The following PTPRT variants were observed in gnomAD, a reference collection of about 807,000 sequenced individuals.
PTPRT encodes receptor-type tyrosine-protein phosphatase T.
Under a neutral mutation model 176.8 loss-of-function variants are expected in PTPRT, and 56 were observed. That is an observed-to-expected ratio of 0.32 (90% CI 0.26 to 0.40). The LOEUF (loss-of-function observed/expected upper bound fraction) is 0.40, where lower values mean the gene tolerates loss of function less well. PTPRT is among the 10% of genes least tolerant of loss of function. The pLI, the probability that PTPRT is intolerant of heterozygous loss-of-function variation, is 1.00. For missense variants in PTPRT, 1,540 were observed against 1,908.2 expected, an observed-to-expected ratio of 0.81 and a Z score of 3.60; for synonymous variants, 783 against 739.0, an observed-to-expected ratio of 1.06 and a Z score of -0.96.
chr20:42,777,066 T>G (rs2077147841), intron 4 of PTPRT, among the ~76,000 whole-genome samples: 1 of 152,020 alleles, frequency 6.6e-6, no homozygotes, highest in Admixed American at 6.6e-5. Flanking sequence ...GTCACCCTGG[T>G]GCGGGCCACC....
chr20:42,562,918 A>T (rs907290694), intron 7 of PTPRT, among the ~76,000 whole-genome samples: 1 of 152,224 alleles, frequency 6.6e-6, no homozygotes, highest in Non-Finnish European at 1.5e-5. Context: ...AATATATTCT[A>T]GAAAGATTAA....
intron 9 of PTPRT, among the ~76,000 whole-genome samples, chr20:42,396,256 AC>A: frequency 6.6e-6 from 1 of 152,112 alleles, no homozygotes; most frequent in South Asian, 2.1e-4. Context: ...CACATCCCAA[AC>A]CTACTTTGCT....
intron 2 of PTPRT, among the ~76,000 whole-genome samples, chr20:42,843,127 C>T (rs1194603537): frequency 6.6e-6 from 1 of 152,188 alleles, no homozygotes; most frequent in East Asian, 1.9e-4. Flanking sequence ...TTCCAAGGAA[C>T]TTCTGGCTTA....
chr20:43,092,005 T>A (rs1398447968), intron 1 of PTPRT, among the ~76,000 whole-genome samples: 1 of 152,204 alleles, frequency 6.6e-6, no homozygotes, highest in Non-Finnish European at 1.5e-5. Flanking sequence ...CTCATCACAG[T>A]TCTGGGATGG....
At chr20:43,059,639 T>C (rs1276523048) in intron 1 of PTPRT, among the ~76,000 whole-genome samples, 2 of 152,198 alleles carry the variant, frequency 1.3e-5, no homozygotes, top group African/African-American at 4.8e-5. Context: ...AGGCTTTCTC[T>C]TGAGCTTTCT....
chr20:42,737,249 A>G (rs1292944567), intron 6 of PTPRT, among the ~76,000 whole-genome samples: 1 of 152,196 alleles, frequency 6.6e-6, no homozygotes, highest in Non-Finnish European at 1.5e-5. Flanking sequence ...CAGAGAGAAG[A>G]AGGCCATGTG....
At chr20:42,879,064 C>T (rs138526517) in intron 2 of PTPRT, among the ~76,000 whole-genome samples, 50 of 152,180 alleles carry the variant, frequency 3.3e-4, no homozygotes, top group African/African-American at 1.1e-3. Flanking sequence ...CAGAAGAAAG[C>T]AAAGCTTCCA....
chr20:42,245,628 G>A (rs2056435453), intron 14 of PTPRT, among the ~76,000 whole-genome samples: 2 of 152,182 alleles, frequency 1.3e-5, no homozygotes, highest in South Asian at 4.2e-4. Context: ...CTTCATCCAT[G>A]GATCTCAAGC....
intron 1 of PTPRT, among the ~76,000 whole-genome samples, chr20:43,092,190 G>A (rs1461455613): frequency 2.0e-5 from 3 of 152,208 alleles, no homozygotes; most frequent in Non-Finnish European, 4.4e-5. Context: ...CAATCCAGGA[G>A]TGTAGCACAC....
At chr20:42,592,207 C>T (rs1205636629) in intron 7 of PTPRT, among the ~76,000 whole-genome samples, 1 of 151,488 alleles carries the variant, frequency 6.6e-6, no homozygotes, top group Non-Finnish European at 1.5e-5. Context: ...GATCTCCTGA[C>T]CTCGTGATCC....
chr20:42,746,746 T>C (rs1423599704), intron 6 of PTPRT, among the ~76,000 whole-genome samples: 10 of 152,100 alleles, frequency 6.6e-5, no homozygotes. Context: ...AAGATGAGCA[T>C]GTTGAGGTTT....
chr20:43,141,928 T>C (rs1227470503), intron 1 of PTPRT, among the ~76,000 whole-genome samples: 2 of 152,146 alleles, frequency 1.3e-5, no homozygotes, highest in East Asian at 3.9e-4. Flanking sequence ...CTTGATCAGA[T>C]GTGGTGAGCC....
chr20:42,206,633 C>G (rs555008663), intron 15 of PTPRT, among the ~76,000 whole-genome samples: 1 of 152,196 alleles, frequency 6.6e-6, no homozygotes, highest in Non-Finnish European at 1.5e-5. Flanking sequence ...GAGGGTCCTA[C>G]GCCCACGGAG....
chr20:42,284,536 C>T (rs138582227), intron 12 of PTPRT, among the ~76,000 whole-genome samples: 140 of 152,080 alleles, frequency 9.2e-4, no homozygotes, highest in Admixed American at 1.6e-3. Flanking sequence ...ATGGTAGAAC[C>T]TTATGACATG....
At chr20:42,454,388 TTATC>T (rs745410204) in intron 8 of PTPRT, among the ~76,000 whole-genome samples, 1 of 152,206 alleles carries the variant, frequency 6.6e-6, no homozygotes, top group Non-Finnish European at 1.5e-5. Flanking sequence ...ACTGAAGGGC[TTATC>T]TATCTTTGTT....
At chr20:42,615,593 C>T (rs1329826560) in intron 7 of PTPRT, among the ~76,000 whole-genome samples, 1 of 135,726 alleles carries the variant, frequency 7.4e-6, no homozygotes, top group Non-Finnish European at 1.5e-5. Flanking sequence ...TCCTCTCCAG[C>T]ACCTGTTGTT....
chr20:43,064,270 C>T (rs2146258421), intron 1 of PTPRT, among the ~76,000 whole-genome samples: 1 of 152,280 alleles, frequency 6.6e-6, no homozygotes, highest in Middle Eastern at 3.4e-3. Context: ...TTCCCATCAC[C>T]AGTTGAATTT....
At chr20:42,304,420 C>A (rs6030119) in intron 12 of PTPRT, among the ~76,000 whole-genome samples, 113,422 of 151,942 alleles carry the variant, frequency 0.75, 42,807 homozygotes, top group African/African-American at 0.81. Flanking sequence ...CATGCCAAGC[C>A]CCGTGATAAG....
At chr20:42,914,393 T>C (rs533491862) in intron 1 of PTPRT, among the ~76,000 whole-genome samples, 2 of 152,328 alleles carry the variant, frequency 1.3e-5, no homozygotes, top group South Asian at 4.1e-4. Context: ...CATATTTGTA[T>C]GAATGACTCA....
Sources: gnomAD v4.1 joint callset for allele counts (sites outside exome capture counted in the v4.1 genomes callset) on GRCh38, gnomAD v4.1.1 for gene constraint, MANE v1.5 for transcripts, NCBI Gene and HGNC (gene_info 2026-07-23, HGNC 2026-07-21) for gene names.